Variants in AASS observed in about 807,000 individuals in gnomAD.
AASS encodes the protein alpha-aminoadipic semialdehyde synthase, mitochondrial.
Under a neutral mutation model 105.4 loss-of-function variants are expected in AASS, and 86 were observed. The ratio of observed to expected loss-of-function variants is 0.82; its 90% CI spans 0.69 to 0.98. The LOEUF (loss-of-function observed/expected upper bound fraction) is 0.98. Among genes scored for constraint, AASS ranks in the 50% least tolerant of loss-of-function variants. The probability of loss-of-function intolerance (pLI) is 0.00; values close to 1 mark genes in which losing one functional copy is unlikely to be tolerated. For synonymous variants in AASS, 381 were observed against 394.8 expected, an observed-to-expected ratio of 0.96 and a Z score of 0.41; for missense variants, 1,048 against 1,143.2, an observed-to-expected ratio of 0.92 and a Z score of 1.20.
intron 22 of AASS, 80 bp from the exon 23 acceptor site, chr7:122,078,094 G>C (rs1014474544): frequency 1.2e-5 from 17 of 1,380,632 alleles, no homozygotes; most frequent in Non-Finnish European, 1.5e-5. Context: ...CTGCCCTTCT[G>C]GTCTTAAAAG....
At chr7:122,077,227 G>A (rs1315803708) in intron 23 of AASS, among the ~76,000 whole-genome samples, 1 of 151,862 alleles carries the variant, frequency 6.6e-6, no homozygotes, top group Non-Finnish European at 1.5e-5. Context: ...TTTCTTGAGG[G>A]TCAAACAGAG....
intron 4 of AASS, among the ~76,000 whole-genome samples, chr7:122,124,623 TTG>T (rs757877117): frequency 2.5e-4 from 38 of 152,266 alleles, no homozygotes; most frequent in Non-Finnish European, 5.0e-4. Context: ...AGCATTGTAT[TTG>T]TGTTTACTTG....
At chr7:122,093,946 A>C (rs747749899) in intron 15 of AASS, among the ~76,000 whole-genome samples, 1 of 152,174 alleles carries the variant, frequency 6.6e-6, no homozygotes, top group Admixed American at 6.6e-5. Context: ...AGCAACATGG[A>C]TGCAACTGGA....
chr7:122,094,813 C>G (rs967875692), intron 15 of AASS, among the ~76,000 whole-genome samples: 1 of 151,910 alleles, frequency 6.6e-6, no homozygotes, highest in African/African-American at 2.4e-5. Flanking sequence ...CCATGAAAGC[C>G]TATCTCCTCC....
intron 20 of AASS, among the ~76,000 whole-genome samples, chr7:122,079,950 T>C (rs1487358650): frequency 6.6e-6 from 1 of 152,126 alleles, no homozygotes; most frequent in Non-Finnish European, 1.5e-5. Flanking sequence ...GGTTTTAAGA[T>C]CAACTCAACA....
chr7:122,114,044 G>T (rs1795056596), intron 9 of AASS, among the ~76,000 whole-genome samples: 1 of 151,940 alleles, frequency 6.6e-6, no homozygotes, highest in South Asian at 2.1e-4. Context: ...AAATAACTCA[G>T]AAAGGTTCAA....
chr7:122,122,042 C>T (rs961110533), intron 4 of AASS, among the ~76,000 whole-genome samples: 2 of 152,102 alleles, frequency 1.3e-5, no homozygotes, highest in South Asian at 2.1e-4. Flanking sequence ...TGATGTTTAT[C>T]GTAGTTATTC....
In AASS at chr7:122,101,680, T is replaced by A; in HGVS notation, c.1279A>T (p.Ile427Leu). 1 of 1,610,274 alleles carries A rather than the reference T, an allele frequency of 6.2e-7. No individual in the cohort carries two copies. The highest frequency in any genetic ancestry group is 8.5e-7 in the Non-Finnish European group (1 of 1,177,290). Residue 427 changes from isoleucine (I) to leucine (L), a missense_variant and splice_region_variant, in exon 12 of 24, where the codon ATA (isoleucine) becomes TTA (leucine). Physicochemically the swap from Ile to Leu is conservative, Grantham distance 5. Transcript: ENST00000417368. ...DMLYPYVEEM[I>L]LSDATQPLES... ...AGAGGCTGTGTCGCGTCTGATAATA[T>A]CTGAAAGGAAAATGAGATTTGTAAG...
chr7:122,133,091 T>C (rs188021833), intron 2 of AASS, among the ~76,000 whole-genome samples: 6 of 152,296 alleles, frequency 3.9e-5, no homozygotes, highest in Admixed American at 2.0e-4. Context: ...TGATCTACTT[T>C]AAAATGGCTC....
At chr7:122,124,389 TCTC>T (rs1284633833) in intron 4 of AASS, among the ~76,000 whole-genome samples, 2 of 152,148 alleles carry the variant, frequency 1.3e-5, no homozygotes, top group African/African-American at 4.8e-5. Context: ...TTCAAGCAAT[TCTC>T]CTGCTTTAGC....
intron 1 of AASS, among the ~76,000 whole-genome samples, chr7:122,136,004 G>C (rs1243623847): frequency 6.6e-6 from 1 of 152,182 alleles, no homozygotes; most frequent in African/African-American, 2.4e-5. Flanking sequence ...TGTCATTTCA[G>C]ATGATGATTT....
chr7:122,123,157 A>T (rs1381362670), intron 4 of AASS, among the ~76,000 whole-genome samples: 1 of 152,092 alleles, frequency 6.6e-6, no homozygotes, highest in Non-Finnish European at 1.5e-5. Flanking sequence ...TTCATCCTCC[A>T]CTTAGCAAGA....
At chr7:122,093,001 A>G (rs1317524090) in intron 16 of AASS, 47 bp downstream of exon 16, 1 of 1,611,404 alleles carries the variant, frequency 6.2e-7, no homozygotes, top group South Asian at 1.1e-5. Context: ...TAAAATAAAA[A>G]CAATGCCATG....
intron 1 of AASS, among the ~76,000 whole-genome samples, chr7:122,139,844 C>A (rs1796306453): frequency 1.3e-5 from 2 of 151,956 alleles, no homozygotes; most frequent in South Asian, 4.2e-4. Flanking sequence ...CCCAGCTACT[C>A]GGGAGGCTGA....
intron 4 of AASS, among the ~76,000 whole-genome samples, chr7:122,123,790 T>C (rs1463550225): frequency 6.6e-6 from 1 of 152,230 alleles, no homozygotes; most frequent in African/African-American, 2.4e-5. Flanking sequence ...CCTGGACTTC[T>C]AGCTTATGTA....
chr7:122,117,615 A>G (rs1186910017), intron 6 of AASS, among the ~76,000 whole-genome samples: 1 of 151,858 alleles, frequency 6.6e-6, no homozygotes, highest in African/African-American at 2.4e-5. Flanking sequence ...GTTAACAATG[A>G]ATTATCTTAT....
intron 10 of AASS, among the ~76,000 whole-genome samples, 168 bp downstream of exon 10, chr7:122,113,430 T>C (rs922789035): frequency 6.6e-6 from 1 of 152,210 alleles, no homozygotes; most frequent in Non-Finnish European, 1.5e-5. Flanking sequence ...TATTTGTGTA[T>C]GTGTGTGTGT....
In AASS at chr7:122,088,618, A is replaced by C. The variant is rs915553330; in HGVS notation, c.2017-2439T>G. Among the ~76,000 whole-genome samples, 111 of 152,330 alleles carry C rather than the reference A, an allele frequency of 7.3e-4. 1 individual carries two copies. Among genetic ancestry groups the C allele is most frequent in the Non-Finnish European group, 5.4e-4 (37 of 68,024 alleles). ...TGAAAGTTGCATAAAGAATTGGTAC[A>C]GGCAAAGGAAGATAGTGGTAGCTCT... On this transcript the variant is annotated intron_variant, in intron 18 of 23. Transcript: ENST00000417368.
chr7:122,076,373 T>A lies in AASS; in HGVS notation c.*116A>T. 1 of 788,484 alleles carries A rather than the reference T, an allele frequency of 1.3e-6. No individual in the cohort carries two copies. Among genetic ancestry groups the A allele is most frequent in the East Asian group, 2.4e-5 (1 of 41,032 alleles). 48.8% of individuals were successfully genotyped at this position (788,484 alleles called of 1,614,324 possible). A position where few individuals can be genotyped will look rare whatever the true frequency, so the allele number is the denominator to read the frequency against. On this transcript the variant is annotated 3_prime_UTR_variant, in exon 24 of 24. Transcript: ENST00000417368. ...TTTATAGTTCAAAAAGTACATTGTG[T>A]TAACCAAAACATATTATGCTTTATA... is the stretch of plus-strand genomic sequence containing the variant.
Sources: gnomAD v4.1 joint callset for allele counts (sites outside exome capture counted in the v4.1 genomes callset) on GRCh38, gnomAD v4.1.1 for gene constraint, MANE v1.5 for transcripts, NCBI Gene and HGNC (gene_info 2026-07-23, HGNC 2026-07-21) for gene names.